The following AP3B1 variants were observed in gnomAD, a reference collection of about 807,000 sequenced individuals.
AP3B1 encodes AP-3 complex subunit beta-1.
AP3B1 carries 61 observed loss-of-function variants against 132.5 expected under a neutral mutation model. The ratio of observed to expected loss-of-function variants is 0.46; its 90% confidence interval spans 0.37 to 0.57. The LOEUF (loss-of-function observed/expected upper bound fraction) is 0.57. AP3B1 is among the 20% of genes least tolerant of loss of function. The pLI is 0.00. For synonymous variants in AP3B1, 388 were observed against 438.3 expected (o/e 0.89, Z 1.43); for missense variants, 1,120 against 1,289.4 (o/e 0.87, Z 2.01).
chr5:78,056,159 A>C (rs1322302217), intron 22 of AP3B1, among the ~76,000 whole-genome samples: 1 of 152,226 alleles, frequency 6.6e-6, no homozygotes, highest in Non-Finnish European at 1.5e-5. Flanking sequence ...TAAAAAAAGC[A>C]ATGAAGGTAC....
chr5:78,237,848 A>C (rs1269844267), intron 3 of AP3B1, among the ~76,000 whole-genome samples: 1 of 152,214 alleles, frequency 6.6e-6, no homozygotes, highest in African/African-American at 2.4e-5. Context: ...CTATCCTTAA[A>C]ATGCTATAAT....
At chr5:78,211,630 T>C (rs1239398998) in intron 7 of AP3B1, among the ~76,000 whole-genome samples, 7 of 152,200 alleles carry the variant, frequency 4.6e-5, no homozygotes, top group African/African-American at 1.7e-4. Context: ...AAAAATTCAA[T>C]AGGAAACATG....
chr5:78,110,433 T>C, intron 19 of AP3B1, 79 bp from the exon 20 acceptor site: 1 of 1,070,648 alleles, frequency 9.3e-7, no homozygotes, highest in East Asian at 2.6e-5. Flanking sequence ...GTTTTTAAAT[T>C]CCAGAATACA....
At chr5:78,283,541 G>A (rs774596208) in intron 1 of AP3B1, among the ~76,000 whole-genome samples, 27 of 151,946 alleles carry the variant, frequency 1.8e-4, no homozygotes, top group East Asian at 9.6e-4. Context: ...TTCACATGCC[G>A]CACACACACT....
At chr5:78,093,929 TCAGA>T (rs1750652539) in intron 21 of AP3B1, among the ~76,000 whole-genome samples, 1 of 152,222 alleles carries the variant, frequency 6.6e-6, no homozygotes, top group South Asian at 2.1e-4. Context: ...GGATTGAAAC[TCAGA>T]CAGCTTGCTC....
chr5:78,111,442 T>C (rs1479309099), intron 19 of AP3B1, among the ~76,000 whole-genome samples: 1 of 152,114 alleles, frequency 6.6e-6, no homozygotes, highest in Non-Finnish European at 1.5e-5. Flanking sequence ...CACTGGAGGA[T>C]ACAGATAAGG....
intron 21 of AP3B1, among the ~76,000 whole-genome samples, chr5:78,094,570 C>G (rs1750691501): frequency 6.6e-6 from 1 of 152,136 alleles, no homozygotes; most frequent in African/African-American, 2.4e-5. Flanking sequence ...GCCTTAGAGA[C>G]AGACAATCAT....
At chr5:78,279,864 TTAAA>T (rs1004839755) in intron 1 of AP3B1, among the ~76,000 whole-genome samples, 19 of 142,746 alleles carry the variant, frequency 1.3e-4, no homozygotes, top group African/African-American at 4.9e-4. Context: ...TATATAGGAC[TTAAA>T]TATATATATA....
intron 2 of AP3B1, among the ~76,000 whole-genome samples, chr5:78,248,492 C>CAAAAAAAAAAAA (rs34983157): frequency 2.1e-3 from 150 of 71,306 alleles, no homozygotes; most frequent in East Asian, 3.7e-3. Context: ...GACTCTGTCT[C>CAAAAAAAAAAAA]AAAAAAAAAA....
chr5:78,164,601 T>C (rs910511033), intron 12 of AP3B1, among the ~76,000 whole-genome samples: 8 of 152,162 alleles, frequency 5.3e-5, no homozygotes, highest in Non-Finnish European at 1.0e-4. Flanking sequence ...AGCAATGATC[T>C]GCAGCTATAA....
intron 12 of AP3B1, among the ~76,000 whole-genome samples, chr5:78,163,184 G>A (rs1205686100): frequency 6.6e-6 from 1 of 152,018 alleles, no homozygotes; most frequent in Non-Finnish European, 1.5e-5. Flanking sequence ...TTCACCTGTG[G>A]CCATAGTGGC....
intron 25 of AP3B1, among the ~76,000 whole-genome samples, chr5:78,019,433 C>T (rs1398447098): frequency 6.6e-6 from 1 of 152,118 alleles, no homozygotes; most frequent in Non-Finnish European, 1.5e-5. Context: ...AATAAATGTG[C>T]CAAAGCCTTA....
chr5:78,159,426 T>C (rs1052019889), intron 13 of AP3B1, among the ~76,000 whole-genome samples: 26 of 152,184 alleles, frequency 1.7e-4, no homozygotes, highest in African/African-American at 2.4e-5. Context: ...ATAGGTCTTA[T>C]GGGACTAACA....
intron 14 of AP3B1, 108 bp from the exon 15 acceptor site, chr5:78,141,427 T>G: frequency 3.8e-6 from 3 of 798,512 alleles, no homozygotes; most frequent in Non-Finnish European, 4.0e-6. Flanking sequence ...TTAATTAATT[T>G]AATGTATATC....
chr5:78,258,338 G>A (rs1454861860), intron 2 of AP3B1, among the ~76,000 whole-genome samples: 3 of 152,090 alleles, frequency 2.0e-5, no homozygotes, highest in Non-Finnish European at 4.4e-5. Context: ...ATCTAAAAAT[G>A]GGCAAGATTT....
chr5:78,190,716 G>T (rs1297500646), intron 7 of AP3B1, among the ~76,000 whole-genome samples: 1 of 152,066 alleles, frequency 6.6e-6, no homozygotes, highest in Non-Finnish European at 1.5e-5. Context: ...TATAAAGATT[G>T]AATCAGTTTA....
chr5:78,026,083 T>A (rs953189512), intron 24 of AP3B1, among the ~76,000 whole-genome samples: 1 of 152,214 alleles, frequency 6.6e-6, no homozygotes, highest in Non-Finnish European at 1.5e-5. Context: ...TTTTCCTTTT[T>A]TCTTCACAAC....
chr5:78,182,233 T>C (rs900941064), intron 7 of AP3B1, among the ~76,000 whole-genome samples: 1 of 152,190 alleles, frequency 6.6e-6, no homozygotes, highest in African/African-American at 2.4e-5. Context: ...TCTCTGCCAA[T>C]AAAATATGCC....
At chr5:78,167,709 C>G (rs755876092) in intron 11 of AP3B1, among the ~76,000 whole-genome samples, 4 of 151,886 alleles carry the variant, frequency 2.6e-5, no homozygotes, top group Non-Finnish European at 5.9e-5. Context: ...AAAATAATGG[C>G]ATTCACAGAA....
Sources: allele counts gnomAD v4.1 joint callset (sites outside exome capture counted in the v4.1 genomes callset), GRCh38; gene constraint gnomAD v4.1.1; transcripts MANE v1.5; gene names NCBI Gene and HGNC (gene_info 2026-07-23, HGNC 2026-07-21).